Variants in GBE1 observed in about 807,000 individuals in gnomAD.
GBE1 encodes 1,4-alpha-glucan branching enzyme 1.
Under a neutral mutation model 88.8 loss-of-function variants are expected in GBE1, and 70 were observed. That is an observed-to-expected ratio of 0.79 (90% confidence interval 0.65 to 0.96). The LOEUF is 0.96. GBE1 is among the 40% of genes least tolerant of loss of function. The pLI is 0.00. For synonymous variants in GBE1, 284 were observed against 300.1 expected, an observed-to-expected ratio of 0.95 and a Z score of 0.56; for missense variants, 872 against 871.0, an observed-to-expected ratio of 1.00 and a Z score of -0.01.
At chr3:81,566,912 C>A (rs779614881) in intron 12 of GBE1, among the ~76,000 whole-genome samples, 1 of 152,142 alleles carries the variant, frequency 6.6e-6, no homozygotes, top group Non-Finnish European at 1.5e-5. Context: ...GAATCATCCC[C>A]TTTGAATAGG....
chr3:81,746,811 G>A lies in GBE1; in HGVS notation c.143+14564C>T, dbSNP rs180695795. Among the ~76,000 whole-genome samples, 13 of 152,204 alleles carry A rather than the reference G, an allele frequency of 8.5e-5. No individual in the cohort carries two copies. In the East Asian group the frequency reaches 2.1e-3, roughly 25 times the overall value. On this transcript the variant is annotated intron_variant, in intron 1 of 15. Transcript: ENST00000429644. The stretch of plus-strand genomic sequence containing the variant: ...CCATATATATCACAAATTTTTGCCT[G>A]GCTTCCTAAAGTTTAGGGTTTGTCA...
intron 1 of GBE1, among the ~76,000 whole-genome samples, chr3:81,727,295 T>A (rs1043673129): frequency 2.6e-5 from 4 of 152,160 alleles, no homozygotes; most frequent in African/African-American, 9.6e-5. Context: ...TATTGAAGAA[T>A]AAACAAAAGA....
intron 15 of GBE1, among the ~76,000 whole-genome samples, chr3:81,492,753 T>C (rs1318212819): frequency 2.6e-5 from 4 of 151,580 alleles, no homozygotes; most frequent in African/African-American, 9.7e-5. Context: ...TTTCTTTTTT[T>C]TTTTACATGG....
intron 7 of GBE1, among the ~76,000 whole-genome samples, chr3:81,621,929 G>A (rs1356930446): frequency 6.6e-6 from 1 of 152,022 alleles, no homozygotes; most frequent in Non-Finnish European, 1.5e-5. Flanking sequence ...CTCTTTCCCT[G>A]CAAAAAACCA....
intron 2 of GBE1, among the ~76,000 whole-genome samples, chr3:81,677,322 TA>T: frequency 6.6e-6 from 1 of 152,274 alleles, no homozygotes; most frequent in East Asian, 1.9e-4. Flanking sequence ...ATACAAAGGC[TA>T]ATATAAAGTC....
At chr3:81,512,554 C>T (rs950326296) in intron 14 of GBE1, among the ~76,000 whole-genome samples, 1 of 151,790 alleles carries the variant, frequency 6.6e-6, no homozygotes, top group African/African-American at 2.4e-5. Context: ...TAGTGAGACA[C>T]ACTTCATGTA....
At chr3:81,535,029 G>A (rs1341060957) in intron 14 of GBE1, 166 bp downstream of exon 14, 3 of 648,892 alleles carry the variant, frequency 4.6e-6, no homozygotes, top group African/African-American at 1.9e-5. Context: ...TAACTGAGTC[G>A]AGCAAAGATT....
chr3:81,595,918 C>T (rs1283863629), intron 7 of GBE1, among the ~76,000 whole-genome samples: 1 of 151,856 alleles, frequency 6.6e-6, no homozygotes, highest in Non-Finnish European at 1.5e-5. Context: ...GACAATGGAG[C>T]ACCTAATTAA....
chr3:81,743,421 C>A (rs978267375), intron 1 of GBE1: 1 of 596,692 alleles, frequency 1.7e-6, no homozygotes, highest in Non-Finnish European at 2.9e-6. Context: ...ACAAGGCACA[C>A]ACACAATCAT....
intron 5 of GBE1, among the ~76,000 whole-genome samples, chr3:81,648,034 CTAAA>C (rs898550471): frequency 3.3e-5 from 5 of 151,886 alleles, no homozygotes; most frequent in South Asian, 2.1e-4. Flanking sequence ...ATAATTAATA[CTAAA>C]TACTCTATAC....
chr3:81,693,346 T>G (rs891885496), intron 2 of GBE1, among the ~76,000 whole-genome samples: 1 of 152,188 alleles, frequency 6.6e-6, no homozygotes, highest in Non-Finnish European at 1.5e-5. Flanking sequence ...CTTTAGAAAG[T>G]ATTAGGAAAG....
chr3:81,715,047 A>C (rs957382268), intron 1 of GBE1, among the ~76,000 whole-genome samples: 5 of 152,194 alleles, frequency 3.3e-5, no homozygotes, highest in African/African-American at 1.2e-4. Context: ...GGATATAAAC[A>C]TGTAGTTCAT....
chr3:81,527,989 T>C (rs1487128415), intron 14 of GBE1, among the ~76,000 whole-genome samples: 1 of 151,944 alleles, frequency 6.6e-6, no homozygotes. Flanking sequence ...AATGATAGAC[T>C]GGATTAAGAA....
intron 1 of GBE1, among the ~76,000 whole-genome samples, chr3:81,722,741 T>C (rs1706050546): frequency 6.6e-6 from 1 of 151,622 alleles, no homozygotes; most frequent in Non-Finnish European, 1.5e-5. Flanking sequence ...ACCTGACCAT[T>C]CTGCTGAAAT....
chr3:81,623,131 G>C (rs941496069), intron 7 of GBE1, among the ~76,000 whole-genome samples: 3 of 152,138 alleles, frequency 2.0e-5, no homozygotes, highest in Non-Finnish European at 2.9e-5. Context: ...GAAGAAAACT[G>C]AATCTCCTTA....
At chr3:81,568,799 T>G (rs1703532722) in intron 12 of GBE1, among the ~76,000 whole-genome samples, 1 of 152,176 alleles carries the variant, frequency 6.6e-6, no homozygotes, top group South Asian at 2.1e-4. Context: ...TATATATATG[T>G]GCATGTGAGT....
chr3:81,573,348 T>C (rs1242013860), intron 12 of GBE1, among the ~76,000 whole-genome samples: 1 of 152,244 alleles, frequency 6.6e-6, no homozygotes, highest in Non-Finnish European at 1.5e-5. Context: ...ACTGATCTCA[T>C]ACATAACTTT....
chr3:81,729,859 A>G (rs541464575), intron 1 of GBE1, among the ~76,000 whole-genome samples: 19 of 152,252 alleles, frequency 1.2e-4, no homozygotes, highest in Admixed American at 5.2e-4. Context: ...TATGCTAAGC[A>G]TGCAGCCAAC....
At chr3:81,552,353 A>T (rs1178537317) in intron 12 of GBE1, among the ~76,000 whole-genome samples, 7 of 152,128 alleles carry the variant, frequency 4.6e-5, no homozygotes, top group Non-Finnish European at 1.5e-5. Flanking sequence ...TCCTGTCTCT[A>T]CTAAAAATAC....
Sources: allele counts gnomAD v4.1 joint callset (sites outside exome capture counted in the v4.1 genomes callset), GRCh38; gene constraint gnomAD v4.1.1; transcripts MANE v1.5; gene names NCBI Gene and HGNC (gene_info 2026-07-23, HGNC 2026-07-21).